Variants in NRG3 observed in about 807,000 individuals in gnomAD.
NRG3 encodes the protein neuregulin 3.
A neutral mutation model predicts 66.9 loss-of-function variants in NRG3; 31 were observed. The observed-to-expected ratio is 0.46, with a 90% CI of 0.35 to 0.63. NRG3 has a LOEUF of 0.63. Among genes scored for constraint, NRG3 ranks in the 20% least tolerant of loss-of-function variants. The pLI, the probability that NRG3 is intolerant of heterozygous loss-of-function variation, is 0.00. For missense variants in NRG3, 910 were observed against 878.9 expected, an observed-to-expected ratio of 1.04 and a Z score of -0.45; for synonymous variants, 393 against 359.4, an observed-to-expected ratio of 1.09 and a Z score of -1.06.
At chr10:82,827,274 C>T (rs1564541075) in intron 3 of NRG3, 2 of 279,964 alleles carry the variant, frequency 7.1e-6, no homozygotes, top group Non-Finnish European at 1.4e-5. Flanking sequence ...AAGACTGGAA[C>T]AACAACAAAA....
At chr10:82,087,330 C>A (rs971708870) in intron 1 of NRG3, among the ~76,000 whole-genome samples, 2 of 152,126 alleles carry the variant, frequency 1.3e-5, no homozygotes, top group Admixed American at 1.3e-4. Flanking sequence ...GCCTGCCCTG[C>A]AAAGCCCGCC....
chr10:82,917,970 G>GTATATATA (rs1171736937), intron 4 of NRG3, among the ~76,000 whole-genome samples: 1 of 114,006 alleles, frequency 8.8e-6, no homozygotes, highest in Admixed American at 9.1e-5. Context: ...GTGTGTGTGT[G>GTATATATA]TATATATATA....
chr10:82,405,450 A>C (rs577510524), intron 2 of NRG3, among the ~76,000 whole-genome samples: 1 of 118,220 alleles, frequency 8.5e-6, no homozygotes, highest in Admixed American at 8.1e-5. Context: ...GAATGATCTC[A>C]GTAGTTTGTT....
chr10:82,303,436 G>A (rs1321192780), intron 1 of NRG3, among the ~76,000 whole-genome samples: 3 of 152,116 alleles, frequency 2.0e-5, no homozygotes, highest in African/African-American at 7.2e-5. Context: ...TTTGAGTGGG[G>A]AGGTGTTCTT....
intron 6 of NRG3, among the ~76,000 whole-genome samples, chr10:82,965,301 A>G (rs1247941232): frequency 1.3e-5 from 2 of 152,218 alleles, no homozygotes; most frequent in Non-Finnish European, 2.9e-5. Flanking sequence ...GTAACATTGT[A>G]GAGGATGCTA....
At chr10:82,721,535 G>A (rs575726971) in intron 2 of NRG3, among the ~76,000 whole-genome samples, 36 of 152,156 alleles carry the variant, frequency 2.4e-4, no homozygotes, top group African/African-American at 8.2e-4. Flanking sequence ...CAATTCTCCT[G>A]CCTCAGCCTT....
At chr10:82,514,382 C>A (rs1032302452) in intron 2 of NRG3, among the ~76,000 whole-genome samples, 1 of 152,086 alleles carries the variant, frequency 6.6e-6, no homozygotes, top group Non-Finnish European at 1.5e-5. Context: ...AGGAAGATGT[C>A]CAGTTTCAAT....
At chr10:82,804,831 C>T (rs746623714) in intron 3 of NRG3, among the ~76,000 whole-genome samples, 1 of 152,194 alleles carries the variant, frequency 6.6e-6, no homozygotes, top group Admixed American at 6.5e-5. Flanking sequence ...CATAGCCTAT[C>T]TGGGAAGGTA....
chr10:82,331,503 C>T (rs888352746), intron 1 of NRG3, among the ~76,000 whole-genome samples: 1 of 152,100 alleles, frequency 6.6e-6, no homozygotes. Flanking sequence ...ACTAAGGTTC[C>T]CATGGTCAAA....
At chr10:82,788,710 C>A (rs969280985) in intron 3 of NRG3, among the ~76,000 whole-genome samples, 3 of 152,028 alleles carry the variant, frequency 2.0e-5, no homozygotes, top group African/African-American at 7.2e-5. Context: ...TTTTATTTAA[C>A]CCTCACTGGA....
intron 1 of NRG3, among the ~76,000 whole-genome samples, chr10:81,913,438 C>A (rs538784227): frequency 7.0e-6 from 1 of 142,886 alleles, no homozygotes; most frequent in South Asian, 2.2e-4. Flanking sequence ...TTTTTTTTTT[C>A]TTTGAGACAG....
chr10:82,775,797 A>G (rs889031083), intron 3 of NRG3, among the ~76,000 whole-genome samples: 1 of 152,042 alleles, frequency 6.6e-6, no homozygotes, highest in African/African-American at 2.4e-5. Flanking sequence ...ATGTTCATTA[A>G]TATTGGCTTT....
intron 2 of NRG3, among the ~76,000 whole-genome samples, chr10:82,385,979 A>G (rs908459456): frequency 6.6e-6 from 1 of 152,158 alleles, no homozygotes; most frequent in Admixed American, 6.5e-5. Context: ...AAAACAGATA[A>G]ATATAGAGTA....
intron 3 of NRG3, among the ~76,000 whole-genome samples, chr10:82,746,765 TTACACAATA>T (rs2058663220): frequency 1.3e-5 from 2 of 150,812 alleles, no homozygotes; most frequent in South Asian, 4.1e-4. Context: ...TCATACCTTA[TTACACAATA>T]TACTCATTTG....
At chr10:82,871,176 T>C (rs1841306789) in intron 4 of NRG3, among the ~76,000 whole-genome samples, 1 of 152,166 alleles carries the variant, frequency 6.6e-6, no homozygotes, top group Non-Finnish European at 1.5e-5. Context: ...TGTTGAAAAG[T>C]TTATCTTTTC....
intron 1 of NRG3, among the ~76,000 whole-genome samples, chr10:81,987,067 A>AGT (rs746437084): frequency 3.5e-4 from 50 of 143,936 alleles, no homozygotes; most frequent in Non-Finnish European, 4.7e-4. Context: ...TAGATGCCAT[A>AGT]GTGTGTGTGT....
At chr10:81,906,361 A>G (rs1844606312) in intron 1 of NRG3, among the ~76,000 whole-genome samples, 1 of 152,174 alleles carries the variant, frequency 6.6e-6, no homozygotes, top group Non-Finnish European at 1.5e-5. Context: ...TGTTATTTCA[A>G]TGAAGAGCTC....
At chr10:82,813,033 C>T (rs944496461) in intron 3 of NRG3, among the ~76,000 whole-genome samples, 3 of 152,018 alleles carry the variant, frequency 2.0e-5, no homozygotes, top group Admixed American at 6.6e-5. Flanking sequence ...TTCAGTCATG[C>T]AATAACTCAA....
chr10:82,511,747 T>C (rs2132448488), intron 2 of NRG3, among the ~76,000 whole-genome samples: 1 of 152,294 alleles, frequency 6.6e-6, no homozygotes, highest in African/African-American at 2.4e-5. Context: ...GATGTCCTTG[T>C]TCTGCCCTGT....
Sources: allele counts gnomAD v4.1 joint callset (sites outside exome capture counted in the v4.1 genomes callset), GRCh38; gene constraint gnomAD v4.1.1; transcripts MANE v1.5; gene names NCBI Gene and HGNC (gene_info 2026-07-23, HGNC 2026-07-21).